Variants in P3H2 observed in about 807,000 individuals in gnomAD.
P3H2 encodes the protein prolyl 3-hydroxylase 2, also known as leprecan-like 1.
P3H2 carries 80 observed loss-of-function variants against 87.0 expected under a neutral mutation model. That is an observed-to-expected ratio of 0.92 (90% CI 0.77 to 1.11). P3H2 has a LOEUF of 1.11. P3H2 is among the 50% of genes least tolerant of loss of function. The pLI is 0.00. For synonymous variants in P3H2, 367 were observed against 359.3 expected, an observed-to-expected ratio of 1.02 and a Z score of -0.24; for missense variants, 1,001 against 923.9, an observed-to-expected ratio of 1.08 and a Z score of -1.08.
chr3:189,976,318 A>T (rs1723346741), intron 8 of P3H2, among the ~76,000 whole-genome samples: 1 of 152,186 alleles, frequency 6.6e-6, no homozygotes, highest in East Asian at 1.9e-4. Flanking sequence ...AGAAAAAGAG[A>T]TTTAACGGAC....
intron 8 of P3H2, among the ~76,000 whole-genome samples, chr3:189,981,555 C>A (rs1172281344): frequency 2.0e-5 from 3 of 152,128 alleles, no homozygotes; most frequent in Non-Finnish European, 4.4e-5. Flanking sequence ...ACCCATTAGC[C>A]ACTTCGTCCT....
At chr3:190,074,139 GGATTAGTAAA>G (rs1350990651) in intron 1 of P3H2, among the ~76,000 whole-genome samples, 2 of 152,106 alleles carry the variant, frequency 1.3e-5, no homozygotes, top group Admixed American at 6.5e-5. Flanking sequence ...TTCAGTTTCT[GGATTAGTAAA>G]GTGTGATTGG....
chr3:190,091,669 A>G lies in P3H2; in HGVS notation c.480+28583T>C, dbSNP rs542404930. Among the ~76,000 whole-genome samples, 5 of 152,392 alleles carry G rather than the reference A, an allele frequency of 3.3e-5. No homozygotes were observed. In the South Asian group the frequency reaches 1.0e-3, roughly 32 times the overall value. On this transcript the variant is annotated intron_variant, in intron 1 of 14. Coordinates refer to ENST00000319332, the MANE Select transcript of P3H2 (RefSeq NM_018192.4). ...GTACCTGATAATTCTGAAAAGAATG[A>G]TGGCAAATGAGGCTTTTTAAAGAGT...
chr3:190,055,232 G>C (rs545605331), intron 1 of P3H2, among the ~76,000 whole-genome samples: 1 of 152,258 alleles, frequency 6.6e-6, no homozygotes, highest in Admixed American at 6.5e-5. Context: ...GCGTAACATA[G>C]GGTCTTACAT....
intron 1 of P3H2, among the ~76,000 whole-genome samples, chr3:190,031,424 G>A (rs1725247392): frequency 1.1e-5 from 1 of 94,172 alleles, no homozygotes; most frequent in Non-Finnish European, 2.2e-5. Flanking sequence ...AATCACCTGA[G>A]GTCAGGAGTT....
chr3:189,998,933 T>C (rs1724129871), intron 1 of P3H2, among the ~76,000 whole-genome samples: 1 of 152,104 alleles, frequency 6.6e-6, no homozygotes, highest in Non-Finnish European at 1.5e-5. Context: ...CACCAGAGGG[T>C]TGGCACTCCT....
chr3:190,045,306 C>G (rs1725765946), intron 1 of P3H2, among the ~76,000 whole-genome samples: 1 of 152,202 alleles, frequency 6.6e-6, no homozygotes, highest in Admixed American at 6.5e-5. Flanking sequence ...GTGTGGTACA[C>G]TTAGATATAA....
chr3:189,971,838 G>A, intron 12 of P3H2, 52 bp downstream of exon 12: 1 of 1,096,560 alleles, frequency 9.1e-7, no homozygotes, highest in African/African-American at 1.5e-5. Flanking sequence ...AGTTTTCACT[G>A]CTTGAAAACT....
intron 13 of P3H2, chr3:189,969,925 A>G: frequency 1.2e-6 from 1 of 803,294 alleles, no homozygotes; most frequent in Non-Finnish European, 2.2e-6. Context: ...AAGTGGGCCA[A>G]AGAGCGGCAG....
rs572463835 is a variant in P3H2, at chr3:190,026,738, T to C, written c.481-31296A>G. On this transcript the variant is annotated intron_variant, in intron 1 of 14. Coordinates refer to ENST00000319332, the MANE Select transcript of P3H2 (RefSeq NM_018192.4). ...CTTTGTTCTGTGCAGTCACCCTGAATTCTTTCTTGCGGGAGATCCAAGAAC... is the reference window on the plus strand; with the variant it reads ...CTTTGTTCTGTGCAGTCACCCTGAACTCTTTCTTGCGGGAGATCCAAGAAC... Among the ~76,000 whole-genome samples, 261 of 152,328 alleles carry C rather than the reference T, an allele frequency of 1.7e-3. 2 individuals carry two copies. The highest frequency in any genetic ancestry group is 6.1e-3 in the African/African-American group (253 of 41,560).
At chr3:190,056,325 C>A (rs1726152895) in intron 1 of P3H2, among the ~76,000 whole-genome samples, 1 of 152,110 alleles carries the variant, frequency 6.6e-6, no homozygotes, top group African/African-American at 2.4e-5. Flanking sequence ...AGAAGCTGTC[C>A]CCCTGATAGA....
intron 1 of P3H2, among the ~76,000 whole-genome samples, chr3:190,061,551 A>C (rs1007051): frequency 0.12 from 17,724 of 152,046 alleles, 2,879 homozygotes; most frequent in African/African-American, 0.36. Flanking sequence ...TTATCAATAC[A>C]TCCTACTATA....
At chr3:189,986,355 C>A (rs886498561) in intron 6 of P3H2, among the ~76,000 whole-genome samples, 1 of 152,100 alleles carries the variant, frequency 6.6e-6, no homozygotes, top group Non-Finnish European at 1.5e-5. Context: ...GAGGCTGAGG[C>A]GGGCGGATCA....
At chr3:190,100,258 C>G (rs1370305861) in intron 1 of P3H2, among the ~76,000 whole-genome samples, 4 of 140,106 alleles carry the variant, frequency 2.9e-5, no homozygotes, top group Admixed American at 7.0e-5. Flanking sequence ...CCGCCCCCCC[C>G]CCCAAAAAAA....
At chr3:190,044,507 G>A (rs114582878) in intron 1 of P3H2, among the ~76,000 whole-genome samples, 3 of 152,080 alleles carry the variant, frequency 2.0e-5, no homozygotes, top group South Asian at 2.1e-4. Context: ...AAGAATTCTC[G>A]ACATTGATAT....
chr3:190,001,084 T>C (rs761473477), intron 1 of P3H2, among the ~76,000 whole-genome samples: 1 of 152,212 alleles, frequency 6.6e-6, no homozygotes, highest in Non-Finnish European at 1.5e-5. Context: ...GCTCTAACAA[T>C]GTTTCTCAAT....
At chr3:190,002,881 A>G (rs150232747) in intron 1 of P3H2, among the ~76,000 whole-genome samples, 115 of 152,372 alleles carry the variant, frequency 7.5e-4, no homozygotes, top group African/African-American at 2.7e-3. Context: ...AGATTTTTAT[A>G]CAATATATTC....
In P3H2 at chr3:190,030,088, A is replaced by T. The variant is rs564464306; in HGVS notation, c.481-34646T>A. Among the ~76,000 whole-genome samples, 10 of 152,240 alleles carry T rather than the reference A, an allele frequency of 6.6e-5. No homozygotes were observed. The South Asian group carries it at 1.9e-3, about 28-fold the overall frequency. Reference sequence around the variant, plus strand: ...CAGTTAAATAGCTGTATAAAAATATATAATTACATAAAATGTTTAGCTTTT... The same window carrying T: ...CAGTTAAATAGCTGTATAAAAATATTTAATTACATAAAATGTTTAGCTTTT... On this transcript the variant is annotated intron_variant, in intron 1 of 14. Transcript: ENST00000319332.
chr3:189,958,400 G>A (rs1267604769), intron 14 of P3H2, among the ~76,000 whole-genome samples: 1 of 152,082 alleles, frequency 6.6e-6, no homozygotes, highest in Non-Finnish European at 1.5e-5. Flanking sequence ...TTAAAAGCCC[G>A]ACCATGGTTT....
Sources: gnomAD v4.1 joint callset for allele counts (sites outside exome capture counted in the v4.1 genomes callset) on GRCh38, gnomAD v4.1.1 for gene constraint, MANE v1.5 for transcripts, NCBI Gene and HGNC (gene_info 2026-07-23, HGNC 2026-07-21) for gene names.